Variants in ASPSCR1 observed in about 807,000 individuals in gnomAD.
ASPSCR1 encodes the protein tether containing UBX domain for GLUT4.
ASPSCR1 carries 55 observed loss-of-function variants against 68.9 expected under a neutral mutation model. The observed-to-expected ratio is 0.80, with a 90% CI of 0.64 to 1.00. ASPSCR1 has a LOEUF of 1.00. Ranked by LOEUF, ASPSCR1 falls within the 50% of genes least tolerant of loss-of-function variation. The pLI is 0.00. For missense variants in ASPSCR1, 765 were observed against 762.2 expected, an observed-to-expected ratio of 1.00 and a Z score of -0.04; for synonymous variants, 352 against 332.6, an observed-to-expected ratio of 1.06 and a Z score of -0.63.
chr17:82,011,788 C>T (rs1336007070), intron 11 of ASPSCR1, among the ~76,000 whole-genome samples, 183 bp downstream of exon 11: 2 of 152,126 alleles, frequency 1.3e-5, no homozygotes, highest in Non-Finnish European at 2.9e-5. Flanking sequence ...GGGCCCTTCT[C>T]CCCGAGCCAG....
intron 7 of ASPSCR1, chr17:82,005,176 G>C (rs975087354): frequency 1.3e-5 from 2 of 152,388 alleles, no homozygotes; most frequent in African/African-American, 4.8e-5. Context: ...AAATATTGCT[G>C]GTTCTTCTGG....
chr17:81,999,752 C>A lies in ASPSCR1; in HGVS notation c.933+2906C>A, dbSNP rs1351960582. Among the ~76,000 whole-genome samples, 1 of 152,190 alleles carries A rather than the reference C, an allele frequency of 6.6e-6. No homozygotes were observed. Among genetic ancestry groups the A allele is most frequent in the African/African-American group, 2.4e-5 (1 of 41,454 alleles). ...GAACTCAGGTGAGGTCAGGAGTTTG[C>A]TTCCTCCTCCTCTGGCCACTTCTGA... is the stretch of plus-strand genomic sequence containing the variant. On this transcript the variant is annotated intron_variant, in intron 7 of 15. Transcript: ENST00000306739. This position sits in a 1 kb window ranked among gnomAD's most constrained non-coding sequence, Gnocchi z 4.4.
chr17:81,983,493 G>A lies in ASPSCR1; in HGVS notation c.159-61G>A, dbSNP rs2041863920. ...GATGGTGGGACGGGGATGGCGGGGC[G>A]TGGATGGCAGGGCGTGTCAGGCTCT... On this transcript the variant is annotated intron_variant, in intron 2 of 15. Coordinates refer to ENST00000306739, the MANE Select transcript of ASPSCR1 (RefSeq NM_024083.4). The surrounding 1 kb of genome is among the most constrained non-coding windows in gnomAD (Gnocchi z 4.4). The A allele has an allele frequency of 3.0e-5, 42 of 1,385,648 alleles. No individual in the cohort carries two copies. Among genetic ancestry groups the A allele is most frequent in the South Asian group, 6.1e-5 (5 of 82,010 alleles). 85.8% of individuals were successfully genotyped at this position (1,385,648 alleles called of 1,614,324 possible). A position where few individuals can be genotyped will look rare whatever the true frequency, so the allele number is the denominator to read the frequency against.
chr17:82,016,808 C>G lies in ASPSCR1; in HGVS notation c.1414C>G (p.Leu472Val). Reference protein sequence around the residue: ...LGAEEPAGVYLEPGLLEHAIS... With the variant: ...LGAEEPAGVYVEPGLLEHAIS... Reference sequence around the variant, plus strand: ...CTTGGGCCTCCCTGCAGGTGTCTACCTGGAGCCTGGCCTGCTGGAGCATGC... The same window carrying G: ...CTTGGGCCTCCCTGCAGGTGTCTACGTGGAGCCTGGCCTGCTGGAGCATGC... The change falls in exon 14 of 16, where the codon CTG becomes GTG. Residue 472 changes from leucine (L) to valine (V), a missense_variant. Coordinates refer to ENST00000306739, the MANE Select transcript of ASPSCR1 (RefSeq NM_024083.4). 6.2e-7 allele frequency: 1 copy of G among 1,610,282 alleles called. No homozygotes were observed. The highest frequency in any genetic ancestry group is 8.5e-7 in the Non-Finnish European group (1 of 1,179,890).
intron 9 of ASPSCR1, 26 bp downstream of exon 9, chr17:82,009,593 C>T (rs1567988335): frequency 6.5e-7 from 1 of 1,544,628 alleles, no homozygotes. Flanking sequence ...GTGGGGGCGA[C>T]TGAGGCACAG....
rs531424612 is a variant in ASPSCR1, at chr17:82,010,860, G to A, written c.1229G>A (p.Ser410Asn). The part of the protein sequence containing the change: ...RYVLQGFFRP[S>N]ETVGDLRDFV... ...GTCCTACAGGGCTTCTTCCGCCCCA[G>A]CGAGACAGGTGGGCAGCGCTGTGGG... The change falls in exon 10 of 16, where the codon AGC becomes AAC. Residue 410 changes from serine (S) to asparagine (N), a missense_variant. By Grantham distance (46) the Ser-to-Asn change is conservative (BLOSUM62 1). Coordinates refer to ENST00000306739, the MANE Select transcript of ASPSCR1 (RefSeq NM_024083.4). The A allele has an allele frequency of 6.2e-6, 10 of 1,612,576 alleles. No individual in the cohort carries two copies. In the South Asian group the frequency reaches 1.1e-4, roughly 18 times the overall value.
At chr17:82,015,410 G>C (rs2043089455) in intron 12 of ASPSCR1, 1 of 1,548,068 alleles carries the variant, frequency 6.5e-7, no homozygotes. Context: ...GGGAGCCCAG[G>C]TGCCCCAGGC....
chr17:82,004,772 G>A (rs1339304403), intron 7 of ASPSCR1: 2 of 152,320 alleles, frequency 1.3e-5, no homozygotes, highest in African/African-American at 4.8e-5. Context: ...CAGCAAGAGG[G>A]GCAGGGTCGG....
intron 7 of ASPSCR1, among the ~76,000 whole-genome samples, chr17:81,997,930 G>A (rs1038081501): frequency 4.7e-5 from 7 of 149,348 alleles, no homozygotes; most frequent in African/African-American, 1.2e-4. Context: ...GGGTTCAAGC[G>A]ATTCTCCTGC....
At chr17:82,017,283 G>A (rs1382971149) in intron 15 of ASPSCR1, 26 bp from the exon 16 acceptor site, 3 of 1,610,662 alleles carry the variant, frequency 1.9e-6, no homozygotes, top group Non-Finnish European at 1.7e-6. Flanking sequence ...GGGGTGTGTG[G>A]TCACCCTGAT....
intron 4 of ASPSCR1, among the ~76,000 whole-genome samples, chr17:81,991,599 C>T (rs1435711502): frequency 1.3e-5 from 2 of 152,224 alleles, no homozygotes; most frequent in Non-Finnish European, 2.9e-5. Flanking sequence ...TTGTCCATTC[C>T]TGTCCATCCC....
At chr17:82,008,827 T>A (rs2042811779) in intron 7 of ASPSCR1, 1 of 575,434 alleles carries the variant, frequency 1.7e-6, no homozygotes, top group Non-Finnish European at 2.8e-6. Flanking sequence ...TCTCCAGCCC[T>A]GGACAGGCTC....
rs958717684 is a variant in ASPSCR1 at position 81,999,717 on chromosome 17, A to G, written c.933+2871A>G. Among the ~76,000 whole-genome samples, 1 of 151,778 alleles carries G rather than the reference A, an allele frequency of 6.6e-6. No homozygotes were observed. The highest frequency in any genetic ancestry group is 6.6e-5 in the Admixed American group (1 of 15,260). ...CGGCTGTCCCCTGGGCACTCGTGCTACGTGTCCCGGAACTCAGGTGAGGTC... is the reference window on the plus strand; with the variant it reads ...CGGCTGTCCCCTGGGCACTCGTGCTGCGTGTCCCGGAACTCAGGTGAGGTC... On this transcript the variant is annotated intron_variant, in intron 7 of 15. Coordinates refer to ENST00000306739, the MANE Select transcript of ASPSCR1 (RefSeq NM_024083.4). The surrounding 1 kb of genome is among the most constrained non-coding windows in gnomAD (Gnocchi z 4.4).
rs879092557 is a variant in ASPSCR1 at position 82,009,639 on chromosome 17, A to ACG, written c.1170+72_1170+73insCG. 4.3e-4 allele frequency: 461 copies of ACG among 1,074,840 alleles called. 2 individuals are homozygous for ACG. In the African/African-American group the frequency reaches 8.1e-3, roughly 19 times the overall value. 66.6% of individuals were successfully genotyped at this position (1,074,840 alleles called of 1,614,324 possible). ...GCCCCCCGTGAGGTCTGTGGACGGG[A>ACG]TGGGGCGACTGAGGCACAGCTCTGA... On this transcript the variant is annotated intron_variant, in intron 9 of 15. Coordinates refer to ENST00000306739, the MANE Select transcript of ASPSCR1 (RefSeq NM_024083.4).
chr17:82,011,708 A>G, intron 11 of ASPSCR1, 103 bp downstream of exon 11: 4 of 1,323,204 alleles, frequency 3.0e-6, no homozygotes, highest in Non-Finnish European at 4.2e-6. Flanking sequence ...GCTTCTCCAC[A>G]GGAGCAGCAT....
rs1179281935 is a variant in ASPSCR1, at chr17:81,977,859, ATGAGCGGCCTCC to A, written c.102+120_102+131del. On this transcript the variant is annotated intron_variant, in intron 1 of 15. Transcript: ENST00000306739. The surrounding 1 kb of genome is among the most constrained non-coding windows in gnomAD (Gnocchi z 5.0). ...TTCGGGGGCGGGGCCTCGGCGGCCAATGAGCGGCCTCCTGAGCGGCGGCCCCGCCCCCTGCTC... is the reference window on the plus strand; with the variant it reads ...TTCGGGGGCGGGGCCTCGGCGGCCAATGAGCGGCGGCCCCGCCCCCTGCTC... The A allele has an allele frequency of 1.1e-5, 8 of 746,978 alleles. No homozygotes were observed. The highest frequency in any genetic ancestry group is 1.4e-5 in the Non-Finnish European group (8 of 563,242). 46.3% of individuals were successfully genotyped at this position (746,978 alleles called of 1,614,324 possible). A position where few individuals can be genotyped will look rare whatever the true frequency, so the allele number is the denominator to read the frequency against.
rs138718591 is a variant in ASPSCR1 at position 81,996,505 on chromosome 17, G to A, written c.592G>A (p.Ala198Thr). ...GTCGGCTGGCCAGGCAGCCGCCAGC[G>A]CTCCACTTCCCTTGGAATCTGGGGA... is the stretch of plus-strand genomic sequence containing the variant. Reference protein sequence around the residue: ...SASAGQAAASAPLPLESGELS... With the variant: ...SASAGQAAASTPLPLESGELS... The change falls in exon 7 of 16, where the codon GCT (alanine) becomes ACT (threonine). Residue 198 changes from alanine (A) to threonine (T), a missense_variant. Ala to Thr is a moderately conservative substitution (Grantham distance 58). Transcript: ENST00000306739. 5.5e-5 allele frequency: 88 copies of A among 1,612,340 alleles called. No homozygotes were observed. The Middle Eastern group carries it at 1.2e-3, about 21-fold the overall frequency.
At chr17:81,991,891 C>A (rs1332029944) in intron 4 of ASPSCR1, among the ~76,000 whole-genome samples, 6 of 152,258 alleles carry the variant, frequency 3.9e-5, no homozygotes, top group Non-Finnish European at 8.8e-5. Context: ...TCTAGACTCA[C>A]TGCCTTGTCC....
intron 7 of ASPSCR1, among the ~76,000 whole-genome samples, chr17:82,002,003 C>CTTTTTTTTTTTTTTTTTTT (rs71166183): frequency 1.1e-5 from 1 of 93,808 alleles, no homozygotes; most frequent in Non-Finnish European, 2.0e-5. Context: ...TTTCTTTTTC[C>CTTTTTTTTTTTTTTTTTTT]TTTTTTTTTT....
Sources: gnomAD v4.1 joint callset for allele counts (sites outside exome capture counted in the v4.1 genomes callset) on GRCh38, gnomAD v4.1.1 for gene constraint, Gnocchi (gnomAD v3.1) non-coding constraint, MANE v1.5 for transcripts, NCBI Gene and HGNC (gene_info 2026-07-23, HGNC 2026-07-21) for gene names.